The following FER1L5 variants were observed in gnomAD, a reference collection of about 807,000 sequenced individuals.
FER1L5 encodes the protein fer-1 like family member 5.
A neutral mutation model predicts 279.9 loss-of-function variants in FER1L5; 187 were observed. That is an observed-to-expected ratio of 0.67 (90% CI 0.59 to 0.75). The LOEUF (loss-of-function observed/expected upper bound fraction) is 0.75, where lower values mean the gene tolerates loss of function less well. Ranked by LOEUF, FER1L5 falls within the 30% of genes least tolerant of loss-of-function variation. FER1L5 has a pLI of 0.00. For missense variants in FER1L5, 2,091 were observed against 2,594.4 expected, an observed-to-expected ratio of 0.81 and a Z score of 4.21; for synonymous variants, 921 against 989.7, an observed-to-expected ratio of 0.93 and a Z score of 1.30.
intron 21 of FER1L5, 135 bp downstream of exon 21, chr2:96,685,564 G>A (rs1004937896): frequency 1.2e-5 from 9 of 764,102 alleles, no homozygotes; most frequent in East Asian, 2.8e-5. Flanking sequence ...TCTCCCCAGC[G>A]GGAAACCCCA....
intron 23 of FER1L5, among the ~76,000 whole-genome samples, chr2:96,686,945 C>T (rs192868248): frequency 1.3e-5 from 2 of 151,786 alleles, no homozygotes; most frequent in Admixed American, 1.3e-4. Context: ...CTTGTCATCT[C>T]TTCCCTGGAC....
In FER1L5 at chr2:96,704,610, T is replaced by G. The variant is rs760513266; in HGVS notation, c.6092T>G (p.Ile2031Arg). Residue 2031 changes from isoleucine (I) to arginine (R), a missense_variant, in exon 53 of 53, where the codon ATA becomes AGA. Ile to Arg is a moderately conservative substitution (Grantham distance 97). Transcript: ENST00000624922. ...CAGGATCCAAACCTAAAGCCTACAA[T>G]AGACCATGAGTGGAAACTCCACCCA... ...PTQDPNLKPTIDHEWKLHPGP... is the reference protein window; with the variant it reads ...PTQDPNLKPTRDHEWKLHPGP... 3 of 1,613,944 alleles carry G rather than the reference T, an allele frequency of 1.9e-6. No homozygotes were observed. The East Asian group carries it at 6.7e-5, about 36-fold the overall frequency.
At chr2:96,673,563 C>T (rs1438138420) in intron 19 of FER1L5, among the ~76,000 whole-genome samples, 4 of 152,106 alleles carry the variant, frequency 2.6e-5, no homozygotes, top group African/African-American at 2.4e-5. Flanking sequence ...CCTCCACCCA[C>T]CAATTCACGC....
intron 8 of FER1L5, 144 bp downstream of exon 8, chr2:96,653,846 G>A (rs2075485667): frequency 3.2e-6 from 2 of 628,772 alleles, no homozygotes; most frequent in Admixed American, 6.0e-5. Context: ...TCACCCCCTG[G>A]CACCCAGATT....
At chr2:96,693,750 T>A in intron 32 of FER1L5, 63 bp downstream of exon 32, 1 of 1,507,848 alleles carries the variant, frequency 6.6e-7, no homozygotes, top group Non-Finnish European at 8.9e-7. Context: ...TGAGGGGATT[T>A]ATTTTAGATG....
intron 5 of FER1L5, 26 bp from the exon 6 acceptor site, chr2:96,650,154 C>CCCCA (rs1220247319): frequency 6.5e-7 from 1 of 1,537,158 alleles, no homozygotes; most frequent in East Asian, 2.4e-5. Flanking sequence ...AGGCCTCTGA[C>CCCCA]CCCACCCTGC....
chr2:96,661,912 C>G, intron 12 of FER1L5, 121 bp downstream of exon 12: 2 of 1,373,194 alleles, frequency 1.5e-6, no homozygotes, highest in Non-Finnish European at 9.8e-7. Context: ...GTAGGGGGGA[C>G]AGGGTGAGAC....
intron 9 of FER1L5, chr2:96,654,748 A>T: frequency 4.6e-6 from 1 of 215,690 alleles, no homozygotes; most frequent in African/African-American, 2.3e-5. Flanking sequence ...AAATACAAAA[A>T]ATTAGCGGGG....
intron 37 of FER1L5, among the ~76,000 whole-genome samples, chr2:96,696,540 C>T (rs547105907): frequency 4.6e-5 from 7 of 152,168 alleles, no homozygotes; most frequent in South Asian, 4.1e-4. Context: ...GTGATGCACC[C>T]GCCTCGGCCT....
At chr2:96,671,560 G>C (rs1257596695) in intron 18 of FER1L5, among the ~76,000 whole-genome samples, 1 of 152,224 alleles carries the variant, frequency 6.6e-6, no homozygotes, top group African/African-American at 2.4e-5. Flanking sequence ...TCTGACATGT[G>C]ATGTAAGACA....
At chr2:96,655,579 G>A (rs1387483534) in intron 9 of FER1L5, among the ~76,000 whole-genome samples, 1 of 152,162 alleles carries the variant, frequency 6.6e-6, no homozygotes, top group Non-Finnish European at 1.5e-5. Context: ...GAGAGACAGA[G>A]ATTCTAGAAA....
intron 21 of FER1L5, 62 bp downstream of exon 21, chr2:96,685,491 G>A: frequency 7.0e-7 from 1 of 1,420,998 alleles, no homozygotes; most frequent in South Asian, 1.2e-5. Context: ...TGGGCCTGGG[G>A]ACTCAGCGCA....
chr2:96,691,821 A>G lies in FER1L5; in HGVS notation c.3076-4A>G, dbSNP rs2153284840. The G allele has an allele frequency of 6.4e-7, 1 of 1,551,664 alleles. No homozygotes were observed. The highest frequency in any genetic ancestry group is 2.0e-5 in the Admixed American group (1 of 51,010). On this transcript the variant is annotated splice_polypyrimidine_tract_variant and splice_region_variant and intron_variant, in intron 29 of 52. Coordinates refer to ENST00000624922, the MANE Select transcript of FER1L5 (RefSeq NM_001293083.2). This position sits in a 1 kb window ranked among gnomAD's most constrained non-coding sequence, Gnocchi z 6.0. Reference sequence around the variant, plus strand: ...AGCCTCAGGGGAGACTGTCCTGGGTACAGGCTATGGATCTGAAATACCACG... The same window carrying G: ...AGCCTCAGGGGAGACTGTCCTGGGTGCAGGCTATGGATCTGAAATACCACG...
chr2:96,697,517 C>CT lies in FER1L5; in HGVS notation c.4084-4dup. ...ATGGCTTTCCCTTGCTCACCCTCTCCTTTTTCAGTTCCTAGGCTACCTCTA... is the reference window on the plus strand; with the variant it reads ...ATGGCTTTCCCTTGCTCACCCTCTCCTTTTTTCAGTTCCTAGGCTACCTCTA... On this transcript the variant is annotated splice_polypyrimidine_tract_variant and intron_variant, in intron 37 of 52. Transcript: ENST00000624922. 1 of 1,612,762 alleles carries CT rather than the reference C, an allele frequency of 6.2e-7. No individual in the cohort carries two copies. The highest frequency in any genetic ancestry group is 8.5e-7 in the Non-Finnish European group (1 of 1,179,432).
chr2:96,693,900 C>T lies in FER1L5; in HGVS notation c.3475-11C>T. 1 of 1,536,168 alleles carries T rather than the reference C, an allele frequency of 6.5e-7. No individual in the cohort carries two copies. The highest frequency in any genetic ancestry group is 8.8e-7 in the Non-Finnish European group (1 of 1,139,748). On this transcript the variant is annotated splice_polypyrimidine_tract_variant and intron_variant, in intron 32 of 52. Coordinates refer to ENST00000624922, the MANE Select transcript of FER1L5 (RefSeq NM_001293083.2). ...CATGGCCTCCATGCTTTGTGAACTT[C>T]CCCCCTCCAGGGCAAGGAGAGCTTG...
rs181789990 is a variant in FER1L5 at position 96,674,297 on chromosome 2, A to G, written c.1669+1043A>G. On this transcript the variant is annotated intron_variant, in intron 19 of 52. Transcript: ENST00000624922. ...GAGTGCAGTGGTGCGATCTCGGCTC[A>G]CTGCAACCTCCGCCTCCCGGGTTCA... is the stretch of plus-strand genomic sequence containing the variant. Among the ~76,000 whole-genome samples, 441 of 152,204 alleles carry G rather than the reference A, an allele frequency of 2.9e-3. 2 individuals are homozygous for G. Among genetic ancestry groups the G allele is most frequent in the African/African-American group, 0.01 (422 of 41,550 alleles).
chr2:96,683,944 C>G (rs906276092), intron 19 of FER1L5, among the ~76,000 whole-genome samples: 4 of 152,126 alleles, frequency 2.6e-5, no homozygotes, highest in Admixed American at 6.5e-5. Context: ...CCCGTCCCAC[C>G]CAGAGGCGTG....
intron 1 of FER1L5, among the ~76,000 whole-genome samples, chr2:96,644,909 C>T (rs1682322406): frequency 6.6e-6 from 1 of 152,192 alleles, no homozygotes; most frequent in Admixed American, 6.5e-5. Flanking sequence ...GAGCCATCTT[C>T]CCCACCACCT....
intron 9 of FER1L5, among the ~76,000 whole-genome samples, chr2:96,659,626 A>G (rs2075876598): frequency 3.3e-5 from 5 of 149,486 alleles, no homozygotes; most frequent in Admixed American, 2.7e-4. Context: ...CTAGTAGCTG[A>G]GACTACAGGG....
Sources: allele counts gnomAD v4.1 joint callset (sites outside exome capture counted in the v4.1 genomes callset), GRCh38; gene constraint gnomAD v4.1.1; non-coding constraint Gnocchi (gnomAD v3.1); transcripts MANE v1.5; gene names NCBI Gene and HGNC (gene_info 2026-07-23, HGNC 2026-07-21).